KDM4B: variants seen among roughly 807,000 people sequenced by gnomAD.
The protein encoded by KDM4B is lysine-specific demethylase 4B.
Under a neutral mutation model 125.2 loss-of-function variants are expected in KDM4B, and 32 were observed. That is an observed-to-expected ratio of 0.26 (90% CI 0.19 to 0.34). The LOEUF is 0.34. Among genes scored for constraint, KDM4B ranks in the 10% least tolerant of loss-of-function variants. KDM4B has a pLI of 1.00. For synonymous variants in KDM4B, 721 were observed against 677.9 expected (o/e 1.06, Z -0.99); for missense variants, 1,190 against 1,577.7 (o/e 0.75, Z 4.16).
rs1157558568 is a variant in KDM4B, at chr19:4,997,197, A to G, written c.-108-19060A>G. Among the ~76,000 whole-genome samples the G allele has an allele frequency of 6.6e-6, 1 of 152,168 alleles. No homozygotes were observed. Among genetic ancestry groups the G allele is most frequent in the East Asian group, 1.9e-4 (1 of 5,192 alleles). On this transcript the variant is annotated intron_variant, in intron 1 of 22. Transcript: ENST00000159111. This position sits in a 1 kb window ranked among gnomAD's most constrained non-coding sequence, Gnocchi z 4.2. Reference sequence around the variant, plus strand: ...GAATAACCCTTTCTGTACCCGGGCTATTACCACCCTATTGTGTTACCTTTT... The same window carrying G: ...GAATAACCCTTTCTGTACCCGGGCTGTTACCACCCTATTGTGTTACCTTTT...
chr19:5,079,944 G>A (rs56042630), intron 8 of KDM4B, among the ~76,000 whole-genome samples: 6,680 of 152,134 alleles, frequency 0.044, 497 homozygotes, highest in African/African-American at 0.15. Flanking sequence ...CCAGCGTAGT[G>A]GGGAGAAGCT....
At position 5,139,347 on chromosome 19, in the gene KDM4B, C is replaced by T. The variant is rs958778890; in HGVS notation, c.2550+1277C>T. On this transcript the variant is annotated intron_variant, in intron 18 of 22. Coordinates refer to ENST00000159111, the MANE Select transcript of KDM4B (RefSeq NM_015015.3). Reference sequence around the variant, plus strand: ...ACGTTGTGTTGATCCGGGCACCCGCCGATGTCTCTGCCTTCAGGCTGTTGT... The same window carrying T: ...ACGTTGTGTTGATCCGGGCACCCGCTGATGTCTCTGCCTTCAGGCTGTTGT... Among the ~76,000 whole-genome samples, 5 of 152,214 alleles carry T rather than the reference C, an allele frequency of 3.3e-5. No homozygotes were observed. The South Asian group carries it at 6.2e-4, about 19-fold the overall frequency.
rs146737783 is a variant in KDM4B, at chr19:4,988,770, C to T, written c.-109+19540C>T. Among the ~76,000 whole-genome samples, 403 of 152,316 alleles carry T rather than the reference C, an allele frequency of 2.6e-3. 2 individuals carry two copies. Among genetic ancestry groups the T allele is most frequent in the Non-Finnish European group, 4.0e-3 (274 of 68,036 alleles). On this transcript the variant is annotated intron_variant, in intron 1 of 22. Transcript: ENST00000159111. ...GCTGTGACGTCTCCAGGAACCTCCA[C>T]GCATTCATCTGTGGGGAAGCTTCCA...
Position 5,151,705 on chromosome 19 carries a change from C to A in KDM4B, c.*194C>A. The A allele has an allele frequency of 2.3e-6, 1 of 427,300 alleles. No homozygotes were observed. The highest frequency in any genetic ancestry group is 4.0e-6 in the Non-Finnish European group (1 of 253,104). The allele number at this position is 427,300 out of a possible 1,614,324, so 26.5% of individuals were successfully genotyped here. On this transcript the variant is annotated 3_prime_UTR_variant, in exon 23 of 23. Transcript: ENST00000159111. ...CCCAGACTCAGGGAGCAGGGCCAGGCGGGCTCGGGGGCCGGCCAGGGGAGC... is the reference window on the plus strand; with the variant it reads ...CCCAGACTCAGGGAGCAGGGCCAGGAGGGCTCGGGGGCCGGCCAGGGGAGC...
At chr19:5,120,483 C>T (rs2039339993) in intron 11 of KDM4B, among the ~76,000 whole-genome samples, 1 of 144,518 alleles carries the variant, frequency 6.9e-6, no homozygotes, top group Non-Finnish European at 1.5e-5. Context: ...TCCCCACTCT[C>T]CCGGGGCTGG....
At chr19:5,088,545 A>G (rs1215994250) in intron 9 of KDM4B, among the ~76,000 whole-genome samples, 1 of 152,042 alleles carries the variant, frequency 6.6e-6, no homozygotes, top group Non-Finnish European at 1.5e-5. Context: ...ATAAGTAGGC[A>G]GGCTTTTCCA....
chr19:5,069,404 G>A (rs777713250), intron 6 of KDM4B, among the ~76,000 whole-genome samples: 3 of 151,900 alleles, frequency 2.0e-5, no homozygotes, highest in Non-Finnish European at 2.9e-5. Flanking sequence ...CCACTTCCTG[G>A]ATTCAAGCAA....
intron 1 of KDM4B, among the ~76,000 whole-genome samples, chr19:4,980,161 G>A (rs1233048315): frequency 6.6e-6 from 1 of 151,292 alleles, no homozygotes; most frequent in Admixed American, 6.6e-5. Flanking sequence ...TTGTGCAACC[G>A]TCACCACTAT....
intron 9 of KDM4B, among the ~76,000 whole-genome samples, chr19:5,091,625 A>G (rs1038830838): frequency 3.9e-5 from 6 of 152,064 alleles, no homozygotes; most frequent in African/African-American, 1.4e-4. Context: ...AATTCAAACC[A>G]AATTGTTTCT....
intron 7 of KDM4B, chr19:5,076,193 C>T (rs2620804): frequency 8.1e-5 from 4 of 49,090 alleles, no homozygotes; most frequent in African/African-American, 1.7e-4. Flanking sequence ...TCTCGTTGAC[C>T]GAGTGACGAG....
chr19:5,142,883 G>A lies in KDM4B; in HGVS notation c.2551-1084G>A, dbSNP rs2039770407. 4.6e-5 allele frequency among the ~76,000 whole-genome samples: 7 copies of A among 152,100 alleles called. No individual in the cohort carries two copies. The South Asian group carries it at 1.5e-3, about 32-fold the overall frequency. On this transcript the variant is annotated intron_variant, in intron 18 of 22. Transcript: ENST00000159111. The surrounding 1 kb of genome is among the most constrained non-coding windows in gnomAD (Gnocchi z 5.4). Reference sequence around the variant, plus strand: ...GTGGTGACGGTGCCGCTTATTAAATGCTTAGCTGGGCCTGGCGTGGGTGTG... The same window carrying A: ...GTGGTGACGGTGCCGCTTATTAAATACTTAGCTGGGCCTGGCGTGGGTGTG...
intron 8 of KDM4B, among the ~76,000 whole-genome samples, chr19:5,079,702 G>A (rs2038228094): frequency 6.6e-6 from 1 of 152,184 alleles, no homozygotes; most frequent in African/African-American, 2.4e-5. Context: ...TAGGATAAAG[G>A]AATCAGTAAT....
intron 11 of KDM4B, among the ~76,000 whole-genome samples, chr19:5,121,091 C>T (rs1311392838): frequency 1.3e-5 from 2 of 152,224 alleles, no homozygotes; most frequent in African/African-American, 4.8e-5. Context: ...CGTGGGGTGC[C>T]TGATCTGTGA....
intron 7 of KDM4B, among the ~76,000 whole-genome samples, chr19:5,072,375 T>C (rs1000499195): frequency 1.3e-5 from 2 of 152,148 alleles, no homozygotes; most frequent in South Asian, 2.1e-4. Flanking sequence ...GGCCCTCTCC[T>C]GGCATGTGCT....
At chr19:5,048,558 C>T (rs1458232900) in intron 6 of KDM4B, among the ~76,000 whole-genome samples, 3 of 151,232 alleles carry the variant, frequency 2.0e-5, no homozygotes, top group East Asian at 2.0e-4. Context: ...GTGGGAGCTC[C>T]GCCTTGCCTG....
Position 5,114,001 on chromosome 19 carries a change from G to A in KDM4B, c.1115+3183G>A. 7.9e-7 allele frequency: 1 copy of A among 1,262,934 alleles called. No individual in the cohort carries two copies. Among genetic ancestry groups the A allele is most frequent in the South Asian group, 1.3e-5 (1 of 77,148 alleles). The allele number at this position is 1,262,934 out of a possible 1,614,324, so 78.2% of individuals were successfully genotyped here. A position where few individuals can be genotyped will look rare whatever the true frequency, so the allele number is the denominator to read the frequency against. On this transcript the variant is annotated intron_variant, in intron 10 of 22. Transcript: ENST00000159111. This position sits in a 1 kb window ranked among gnomAD's most constrained non-coding sequence, Gnocchi z 5.8. ...TCCAGAACTAAATCTCGTTGAGCGAGCGTTGGGGGCTGTTTGTATTCTTCC... is the reference window on the plus strand; with the variant it reads ...TCCAGAACTAAATCTCGTTGAGCGAACGTTGGGGGCTGTTTGTATTCTTCC...
At chr19:5,094,638 CAG>C (rs963996744) in intron 9 of KDM4B, among the ~76,000 whole-genome samples, 5 of 127,968 alleles carry the variant, frequency 3.9e-5, no homozygotes, top group Non-Finnish European at 8.2e-5. Flanking sequence ...GGTGGGGGCA[CAG>C]GGGAGGGGTG....
intron 9 of KDM4B, among the ~76,000 whole-genome samples, chr19:5,083,507 G>A (rs976183729): frequency 6.6e-6 from 1 of 152,204 alleles, no homozygotes; most frequent in Non-Finnish European, 1.5e-5. Flanking sequence ...TGGGGGCTGG[G>A]GAGCCTCCTC....
At chr19:5,079,938 C>T (rs1039594075) in intron 8 of KDM4B, among the ~76,000 whole-genome samples, 6 of 152,132 alleles carry the variant, frequency 3.9e-5, no homozygotes, top group Admixed American at 3.3e-4. Context: ...GAGCTCCCAG[C>T]GTAGTGGGGA....
Sources: allele counts gnomAD v4.1 joint callset (sites outside exome capture counted in the v4.1 genomes callset), GRCh38; gene constraint gnomAD v4.1.1; non-coding constraint Gnocchi (gnomAD v3.1); transcripts MANE v1.5; gene names NCBI Gene and HGNC (gene_info 2026-07-23, HGNC 2026-07-21).